The following PTH2R variants were observed in gnomAD, a reference collection of about 807,000 sequenced individuals.
The protein encoded by PTH2R is PTH2 receptor.
Under a neutral mutation model 60.3 loss-of-function variants are expected in PTH2R, and 59 were observed. The observed-to-expected ratio is 0.98, with a 90% confidence interval of 0.79 to 1.22. PTH2R has a LOEUF of 1.22. PTH2R is among the 50% of genes most tolerant of loss of function. The pLI is 0.00. For missense variants in PTH2R, 749 were observed against 682.6 expected (o/e 1.10, Z -1.08); for synonymous variants, 256 against 243.8 (o/e 1.05, Z -0.47).
chr2:208,408,740 A>AAGAGAGAGAGAGAGAGAGAGAGAGAG (rs56107941), intron 1 of PTH2R, among the ~76,000 whole-genome samples: 7 of 123,316 alleles, frequency 5.7e-5, no homozygotes, highest in Non-Finnish European at 1.1e-4. Flanking sequence ...GAGAGAGAGA[A>AAGAGAGAGAGAGAGAGAGAGAGAGAG]AGAGAGAGAG....
chr2:208,427,957 C>G (rs934291149), intron 1 of PTH2R, among the ~76,000 whole-genome samples: 1 of 151,326 alleles, frequency 6.6e-6, no homozygotes, highest in Non-Finnish European at 1.5e-5. Context: ...AATTACCTAA[C>G]TATATTAAAA....
At chr2:208,446,910 C>A (rs930897340) in intron 7 of PTH2R, among the ~76,000 whole-genome samples, 1 of 152,082 alleles carries the variant, frequency 6.6e-6, no homozygotes, top group Non-Finnish European at 1.5e-5. Flanking sequence ...TAACTGAGAG[C>A]GAGTCCAATT....
chr2:208,417,901 C>A (rs369906819), intron 1 of PTH2R, among the ~76,000 whole-genome samples: 1 of 151,968 alleles, frequency 6.6e-6, no homozygotes, highest in Non-Finnish European at 1.5e-5. Flanking sequence ...CATGAAAAAT[C>A]AATTTTAACT....
At chr2:208,423,242 T>C (rs1701792058) in intron 1 of PTH2R, among the ~76,000 whole-genome samples, 1 of 152,222 alleles carries the variant, frequency 6.6e-6, no homozygotes, top group Non-Finnish European at 1.5e-5. Context: ...TGCATTTCTC[T>C]TAGCACTGCT....
intron 8 of PTH2R, among the ~76,000 whole-genome samples, chr2:208,459,412 G>A (rs750441531): frequency 2.6e-4 from 40 of 152,162 alleles, no homozygotes; most frequent in East Asian, 9.7e-4. Context: ...AATAGTTTGC[G>A]TTCATTTTCT....
At chr2:208,473,299 A>G (rs1192702845) in intron 9 of PTH2R, among the ~76,000 whole-genome samples, 1 of 152,208 alleles carries the variant, frequency 6.6e-6, no homozygotes, top group Non-Finnish European at 1.5e-5. Context: ...TTATTTATAA[A>G]AGCTTCTACT....
chr2:208,409,874 C>T (rs942733943), intron 1 of PTH2R, among the ~76,000 whole-genome samples: 2 of 152,028 alleles, frequency 1.3e-5, no homozygotes, highest in African/African-American at 2.4e-5. Flanking sequence ...TTAGTGGATC[C>T]TCCTGGTAAC....
At chr2:208,405,249 A>C (rs1388738071), upstream of PTH2R, among the ~76,000 whole-genome samples, 1 of 152,228 alleles carries the variant, frequency 6.6e-6, no homozygotes, top group Non-Finnish European at 1.5e-5. Flanking sequence ...TAAAATTATG[A>C]AACGGTAGAA....
intron 1 of PTH2R, among the ~76,000 whole-genome samples, chr2:208,391,537 G>C (rs898783089): frequency 6.6e-6 from 1 of 152,162 alleles, no homozygotes; most frequent in South Asian, 2.1e-4. Flanking sequence ...AGCAAAGCTT[G>C]CTTTAGCTTG....
intron 9 of PTH2R, among the ~76,000 whole-genome samples, chr2:208,467,292 C>T (rs1702775612): frequency 6.6e-6 from 1 of 152,018 alleles, no homozygotes; most frequent in African/African-American, 2.4e-5. Context: ...TTCCCCCTAG[C>T]TTTCTACTAT....
intron 1 of PTH2R, among the ~76,000 whole-genome samples, chr2:208,394,983 A>T (rs1257508930): frequency 4.6e-5 from 7 of 151,846 alleles, no homozygotes. Context: ...AAGACATCTT[A>T]CTCCTAACTG....
Position 208,369,366 on chromosome 2 carries a change from C to CTTTTTTTTTTTTTTT in PTH2R, c.-259+9130_-259+9131insTTTTTTTTTTTTTTT, listed in dbSNP as rs34110985. On this transcript the variant is annotated intron_variant, in intron 1 of 12. Coordinates refer to the PTH2R transcript ENST00000617735. ...TTGTCTGTAAACAACACTGGTCTCT[C>CTTTTTTTTTTTTTTT]TCTCTTTTTTTTTTTTTTTAGAAGG... Among the ~76,000 whole-genome samples the CTTTTTTTTTTTTTTT allele has an allele frequency of 1.5e-5, 2 of 135,074 alleles. 1 individual carries two copies. The allele number at this position is 135,074 out of a possible 152,430, so 88.6% of individuals were successfully genotyped here.
rs1216772214 is a variant in PTH2R at position 208,444,734 on chromosome 2, A to G, written c.700A>G (p.Ile234Val). The G allele has an allele frequency of 6.2e-7, 1 of 1,612,844 alleles. No individual in the cohort carries two copies. Among genetic ancestry groups the G allele is most frequent in the Non-Finnish European group, 8.5e-7 (1 of 1,179,502 alleles). ...EATSVDKSQY[I>V]GCKIAVVMFI... ...TGAAATTCTGGTTTATTTGTAATAG[A>G]TCGGGTGCAAGATTGCTGTTGTGAT... is the stretch of plus-strand genomic sequence containing the variant. The change falls in exon 7 of 13, where the codon ATC becomes GTC. Residue 234 changes from isoleucine to valine, a missense_variant and splice_region_variant. Physicochemically the swap from Ile to Val is conservative, Grantham distance 29 (BLOSUM62 3). Transcript: ENST00000272847.
At chr2:208,376,992 TGGTTTTCCTA>T (rs1700804805) in intron 1 of PTH2R, among the ~76,000 whole-genome samples, 1 of 152,032 alleles carries the variant, frequency 6.6e-6, no homozygotes. Context: ...CAAAGGTCTC[TGGTTTTCCTA>T]GGCAGAGGAC....
At chr2:208,477,456 C>A (rs144455226) in intron 9 of PTH2R, among the ~76,000 whole-genome samples, 1 of 151,928 alleles carries the variant, frequency 6.6e-6, no homozygotes, top group Non-Finnish European at 1.5e-5. Flanking sequence ...CTGAACAAAT[C>A]TTTACTTTTA....
At chr2:208,406,244 C>T (rs558235437), upstream of PTH2R, among the ~76,000 whole-genome samples, 5 of 151,406 alleles carry the variant, frequency 3.3e-5, no homozygotes, top group South Asian at 8.3e-4. Context: ...TAAAAATAAA[C>T]TAAAAAAAAA....
rs1270855433 is a variant in PTH2R, at chr2:208,489,090, C to T, written c.1155C>T (p.Ser385=). The change falls in exon 11 of 13, where the codon TCC becomes TCT. Residue 385 remains serine (S), a synonymous_variant. Transcript: ENST00000272847. ...TCGTGTTCGTATGCCTGCCTCACTC[C>T]TTCACTGGGCTCGGGTGGGAGATCC... ...HYIVFVCLPH[S]FTGLGWEIRM... 3.1e-6 allele frequency: 5 copies of T among 1,614,144 alleles called. No individual in the cohort carries two copies. The highest frequency in any genetic ancestry group is 1.7e-4 in the Middle Eastern group (1 of 6,060).
At chr2:208,432,860 C>T (rs1702000518) in intron 2 of PTH2R, among the ~76,000 whole-genome samples, 1 of 152,108 alleles carries the variant, frequency 6.6e-6, no homozygotes. Flanking sequence ...CTTCTTCCCC[C>T]TGCTTTGTTC....
At chr2:208,458,013 GAGAA>G (rs2077448424) in intron 8 of PTH2R, among the ~76,000 whole-genome samples, 1 of 152,230 alleles carries the variant, frequency 6.6e-6, no homozygotes, top group South Asian at 2.1e-4. Context: ...TTTGTGAAAA[GAGAA>G]AGAAACTTAA....
Sources: allele counts gnomAD v4.1 joint callset (sites outside exome capture counted in the v4.1 genomes callset), GRCh38; gene constraint gnomAD v4.1.1; transcripts MANE v1.5; gene names NCBI Gene and HGNC (gene_info 2026-07-23, HGNC 2026-07-21).